Variants in RELN observed in about 807,000 individuals in gnomAD.
RELN encodes reelin.
In RELN, 108 loss-of-function variants were observed where a neutral mutation model predicts 427.6. That is an observed-to-expected ratio of 0.25 (90% CI 0.22 to 0.30). The LOEUF (loss-of-function observed/expected upper bound fraction) is 0.30, where lower values mean the gene tolerates loss of function less well. RELN is among the 10% of genes least tolerant of loss of function. The pLI is 1.00. For missense variants in RELN, 3,715 were observed against 4,302.8 expected, an observed-to-expected ratio of 0.86 and a Z score of 3.82; for synonymous variants, 1,524 against 1,513.4, an observed-to-expected ratio of 1.01 and a Z score of -0.16.
At chr7:103,593,641 A>G in intron 27 of RELN, 41 bp downstream of exon 27, 1 of 1,515,788 alleles carries the variant, frequency 6.6e-7, no homozygotes, top group Non-Finnish European at 9.2e-7. Flanking sequence ...AAGATATTTT[A>G]CTCCTTAACT....
At chr7:103,670,365 A>G (rs1319542843) in intron 11 of RELN, among the ~76,000 whole-genome samples, 1 of 152,164 alleles carries the variant, frequency 6.6e-6, no homozygotes, top group African/African-American at 2.4e-5. Context: ...AGCACACAAG[A>G]ACGTTTACTA....
chr7:103,849,040 C>T (rs1793750171), intron 2 of RELN, among the ~76,000 whole-genome samples: 1 of 152,146 alleles, frequency 6.6e-6, no homozygotes, highest in Non-Finnish European at 1.5e-5. Flanking sequence ...GTGACAGGGT[C>T]ACATCATGTC....
At chr7:103,495,022 G>T (rs1174328663) in intron 57 of RELN, among the ~76,000 whole-genome samples, 1 of 152,088 alleles carries the variant, frequency 6.6e-6, no homozygotes, top group Non-Finnish European at 1.5e-5. Flanking sequence ...ACAGAGTAGA[G>T]ATAGAAGTAG....
At chr7:103,594,937 A>G (rs1269033649) in intron 25 of RELN, among the ~76,000 whole-genome samples, 1 of 152,226 alleles carries the variant, frequency 6.6e-6, no homozygotes, top group Non-Finnish European at 1.5e-5. Context: ...TCTACTACAT[A>G]GCGTTGGCTT....
At chr7:103,487,312 G>A (rs951222624) in intron 60 of RELN, among the ~76,000 whole-genome samples, 6 of 151,444 alleles carry the variant, frequency 4.0e-5, no homozygotes, top group South Asian at 4.2e-4. Context: ...GTAGATGATG[G>A]ATTGATGGGT....
rs574522362 is a variant in RELN, at chr7:103,776,060, T to C, written c.544+497A>G. Among the ~76,000 whole-genome samples, 25 of 152,348 alleles carry C rather than the reference T, an allele frequency of 1.6e-4. 1 individual carries two copies. In the South Asian group the frequency reaches 4.8e-3, roughly 29 times the overall value. On this transcript the variant is annotated intron_variant, in intron 4 of 64. Transcript: ENST00000428762. ...TGTGCATGCATCCCGGTCACATATA[T>C]CTGACATTATGTAAAATTTAATCTA...
At chr7:103,754,245 C>T (rs1418655240) in intron 4 of RELN, among the ~76,000 whole-genome samples, 6 of 151,916 alleles carry the variant, frequency 3.9e-5, no homozygotes, top group African/African-American at 1.5e-4. Flanking sequence ...TAATATTTTA[C>T]ATATTCTGTG....
At chr7:103,631,087 C>T (rs1485527203) in intron 19 of RELN, among the ~76,000 whole-genome samples, 3 of 151,564 alleles carry the variant, frequency 2.0e-5, no homozygotes, top group African/African-American at 7.3e-5. Flanking sequence ...AAAATAATTA[C>T]CTATTTTTCC....
At chr7:103,902,098 C>T (rs190085170) in intron 2 of RELN, among the ~76,000 whole-genome samples, 130 of 152,122 alleles carry the variant, frequency 8.5e-4, no homozygotes, top group Admixed American at 1.4e-3. Context: ...CTGACATCAG[C>T]TCCTTGCTGA....
intron 4 of RELN, among the ~76,000 whole-genome samples, chr7:103,769,165 A>G (rs1312823243): frequency 6.6e-6 from 1 of 152,176 alleles, no homozygotes; most frequent in African/African-American, 2.4e-5. Flanking sequence ...AGGTCACACA[A>G]GTAAAGCCTG....
intron 41 of RELN, among the ~76,000 whole-genome samples, chr7:103,545,891 C>T (rs1022467131): frequency 1.3e-5 from 2 of 152,238 alleles, no homozygotes; most frequent in East Asian, 3.8e-4. Context: ...CCACATCAGC[C>T]TCCCAAAGTG....
chr7:103,949,872 T>C (rs1419596814), intron 1 of RELN, among the ~76,000 whole-genome samples: 3 of 152,174 alleles, frequency 2.0e-5, no homozygotes, highest in Non-Finnish European at 4.4e-5. Flanking sequence ...TGCCTAGAAG[T>C]TCAGTGAACT....
intron 53 of RELN, among the ~76,000 whole-genome samples, chr7:103,498,699 C>T (rs1460330785): frequency 6.6e-6 from 1 of 152,010 alleles, no homozygotes; most frequent in African/African-American, 2.4e-5. Flanking sequence ...ACCATGTTGG[C>T]TAGGCTGGTC....
chr7:103,511,163 A>T (rs1319863584), intron 50 of RELN, among the ~76,000 whole-genome samples, 158 bp from the exon 51 acceptor site: 1 of 152,220 alleles, frequency 6.6e-6, no homozygotes, highest in Non-Finnish European at 1.5e-5. Context: ...TTGTTTCAGG[A>T]ACATAAATAC....
chr7:103,872,980 T>G (rs953701276), intron 2 of RELN, among the ~76,000 whole-genome samples: 2 of 151,718 alleles, frequency 1.3e-5, no homozygotes, highest in Admixed American at 6.6e-5. Context: ...GTCAGATGAG[T>G]AGGTTGAGAA....
rs1033765703 is a variant in RELN, at chr7:103,957,071, T to C, written c.226+32060A>G. 2.0e-5 allele frequency among the ~76,000 whole-genome samples: 3 copies of C among 152,160 alleles called. No homozygotes were observed. The South Asian group carries it at 6.2e-4, about 31-fold the overall frequency. On this transcript the variant is annotated intron_variant, in intron 1 of 64. Transcript: ENST00000428762. The stretch of plus-strand genomic sequence containing the variant: ...TGTGCAGGGAAGGAGAAATGGCTCA[T>C]GCTGCACAGATGAAATTGGAGGGAC...
At chr7:103,869,624 G>A (rs915906981) in intron 2 of RELN, among the ~76,000 whole-genome samples, 5 of 151,968 alleles carry the variant, frequency 3.3e-5, no homozygotes. Flanking sequence ...TACGAAATAA[G>A]CACTTTTATT....
At chr7:103,945,285 C>A (rs1298127617) in intron 1 of RELN, among the ~76,000 whole-genome samples, 1 of 152,130 alleles carries the variant, frequency 6.6e-6, no homozygotes, top group African/African-American at 2.4e-5. Context: ...TCATTTTATT[C>A]CCTTACCTAG....
At chr7:103,690,331 G>C (rs1223197082) in intron 10 of RELN, among the ~76,000 whole-genome samples, 1 of 151,908 alleles carries the variant, frequency 6.6e-6, no homozygotes, top group Non-Finnish European at 1.5e-5. Flanking sequence ...TAAAACCAAG[G>C]CCATTCTCAC....
Sources: allele counts gnomAD v4.1 joint callset (sites outside exome capture counted in the v4.1 genomes callset), GRCh38; gene constraint gnomAD v4.1.1; transcripts MANE v1.5; gene names NCBI Gene and HGNC (gene_info 2026-07-23, HGNC 2026-07-21).